The following ADGRL3 variants were observed in gnomAD, a reference collection of about 807,000 sequenced individuals.
The protein encoded by ADGRL3 is adhesion G protein-coupled receptor L3, also known as calcium-independent alpha-latrotoxin receptor 3.
ADGRL3 carries 62 observed loss-of-function variants against 153.5 expected under a neutral mutation model. The observed-to-expected ratio is 0.40, with a 90% CI of 0.33 to 0.50. The LOEUF (loss-of-function observed/expected upper bound fraction) is 0.50, where lower values mean the gene tolerates loss of function less well. Among genes scored for constraint, ADGRL3 ranks in the 20% least tolerant of loss-of-function variants. The pLI, the probability that ADGRL3 is intolerant of heterozygous loss-of-function variation, is 0.47. For missense variants in ADGRL3, 1,641 were observed against 1,859.4 expected, an observed-to-expected ratio of 0.88 and a Z score of 2.16; for synonymous variants, 710 against 672.5, an observed-to-expected ratio of 1.06 and a Z score of -0.86.
chr4:62,040,774 C>T (rs73207507), intron 24 of ADGRL3, among the ~76,000 whole-genome samples: 76 of 151,964 alleles, frequency 5.0e-4, no homozygotes, highest in African/African-American at 1.6e-3. Context: ...GGAGAGCTGA[C>T]GGAGAACAAA....
At chr4:62,054,228 GA>G (rs986637877) in intron 25 of ADGRL3, among the ~76,000 whole-genome samples, 39 of 151,744 alleles carry the variant, frequency 2.6e-4, no homozygotes, top group African/African-American at 7.9e-4. Flanking sequence ...CTATGCAAAA[GA>G]ATTCAAAATG....
intron 9 of ADGRL3, among the ~76,000 whole-genome samples, chr4:61,817,375 C>T (rs1171994561): frequency 2.0e-5 from 3 of 152,174 alleles, no homozygotes; most frequent in Non-Finnish European, 4.4e-5. Flanking sequence ...CCCATGGCTG[C>T]CCATGGACCA....
At chr4:61,673,436 A>G (rs567903578) in intron 5 of ADGRL3, among the ~76,000 whole-genome samples, 3 of 151,950 alleles carry the variant, frequency 2.0e-5, no homozygotes, top group African/African-American at 7.2e-5. Flanking sequence ...TTTTTAATTT[A>G]TGTTTACTTT....
At chr4:61,996,452 TG>T in intron 20 of ADGRL3, 95 bp downstream of exon 20, 1 of 853,124 alleles carries the variant, frequency 1.2e-6, no homozygotes, top group Non-Finnish European at 1.9e-6. Flanking sequence ...GAGGTTAATT[TG>T]GGGAAAGCAT....
chr4:61,395,400 T>C (rs1560568976), intron 2 of ADGRL3, among the ~76,000 whole-genome samples: 1 of 152,018 alleles, frequency 6.6e-6, no homozygotes, highest in Non-Finnish European at 1.5e-5. Flanking sequence ...CTAATGCTAA[T>C]TGATAAACAA....
chr4:61,771,182 A>G (rs2097081688), intron 8 of ADGRL3, among the ~76,000 whole-genome samples: 1 of 152,178 alleles, frequency 6.6e-6, no homozygotes, highest in South Asian at 2.1e-4. Context: ...CTTACTGCAC[A>G]TGTGTTAAGG....
chr4:61,840,736 G>A (rs1013033345), intron 9 of ADGRL3, among the ~76,000 whole-genome samples: 1 of 152,110 alleles, frequency 6.6e-6, no homozygotes, highest in Non-Finnish European at 1.5e-5. Context: ...GCAGGAATAG[G>A]TAGCCTATGT....
intron 3 of ADGRL3, among the ~76,000 whole-genome samples, chr4:61,509,981 C>G (rs2098454559): frequency 6.6e-6 from 1 of 152,078 alleles, no homozygotes; most frequent in Admixed American, 6.5e-5. Flanking sequence ...GAGATGGTAT[C>G]TCATTGAGGT....
chr4:61,814,942 T>C (rs1200278175), intron 9 of ADGRL3, among the ~76,000 whole-genome samples: 2 of 152,092 alleles, frequency 1.3e-5, no homozygotes, highest in African/African-American at 4.8e-5. Context: ...ATCTGTATGC[T>C]CTGTGAGGGC....
chr4:61,933,914 T>C (rs2098827957), intron 13 of ADGRL3: 1 of 152,214 alleles, frequency 6.6e-6, no homozygotes, highest in African/African-American at 2.4e-5. Context: ...TAGATGCATA[T>C]TTCATAATGA....
chr4:61,833,675 G>A (rs2097899686), intron 9 of ADGRL3, among the ~76,000 whole-genome samples: 1 of 152,164 alleles, frequency 6.6e-6, no homozygotes. Context: ...GGGAGGGTCA[G>A]AATCTTGTAG....
intron 8 of ADGRL3, among the ~76,000 whole-genome samples, chr4:61,780,809 G>T (rs552616973): frequency 2.0e-5 from 3 of 152,160 alleles, no homozygotes; most frequent in Non-Finnish European, 4.4e-5. Flanking sequence ...TGAAAGTAGG[G>T]AACCAGAGAT....
intron 1 of ADGRL3, among the ~76,000 whole-genome samples, chr4:61,361,898 A>C (rs780278954): frequency 2.0e-5 from 3 of 151,490 alleles, no homozygotes; most frequent in Non-Finnish European, 4.4e-5. Flanking sequence ...AAAAATATTT[A>C]GAAACAAAGA....
intron 1 of ADGRL3, among the ~76,000 whole-genome samples, chr4:61,254,735 T>G (rs2091794372): frequency 6.6e-6 from 1 of 152,174 alleles, no homozygotes; most frequent in Admixed American, 6.5e-5. Context: ...CAAATTTTTA[T>G]CTCCTAAATT....
chr4:61,445,701 T>C (rs569845508), intron 2 of ADGRL3, among the ~76,000 whole-genome samples: 2 of 152,218 alleles, frequency 1.3e-5, no homozygotes, highest in Non-Finnish European at 2.9e-5. Context: ...AGAGAGACTT[T>C]CATTGAGCTC....
At chr4:61,708,548 T>A (rs1311302002) in intron 6 of ADGRL3, among the ~76,000 whole-genome samples, 1 of 152,096 alleles carries the variant, frequency 6.6e-6, no homozygotes, top group Non-Finnish European at 1.5e-5. Context: ...ATTTATTTTT[T>A]TTCCAACTTT....
At chr4:61,211,214 T>C (rs1048116589) in intron 1 of ADGRL3, among the ~76,000 whole-genome samples, 1 of 152,216 alleles carries the variant, frequency 6.6e-6, no homozygotes, top group Non-Finnish European at 1.5e-5. Context: ...TGGGAAGTTA[T>C]TGTGTTTCTC....
At chr4:61,901,640 C>T (rs144260775) in intron 11 of ADGRL3, among the ~76,000 whole-genome samples, 310 of 152,256 alleles carry the variant, frequency 2.0e-3, no homozygotes, top group African/African-American at 7.3e-3. Flanking sequence ...TAGCTATGTA[C>T]TTCAATGCTA....
In ADGRL3 at chr4:61,755,910, G is replaced by A. The variant is rs1385838813; in HGVS notation, c.1399+22356G>A. ...CCCATTTCTTGTTTTTGTCAGGTTT[G>A]TCAGAGATCAGATGGTTGTAGATAT... is the stretch of plus-strand genomic sequence containing the variant. On this transcript the variant is annotated intron_variant, in intron 8 of 26. Transcript: ENST00000683033. 2.0e-5 allele frequency among the ~76,000 whole-genome samples: 3 copies of A among 152,132 alleles called. No individual in the cohort carries two copies. In the South Asian group the frequency reaches 6.2e-4, roughly 32 times the overall value.
Sources: allele counts gnomAD v4.1 joint callset (sites outside exome capture counted in the v4.1 genomes callset), GRCh38; gene constraint gnomAD v4.1.1; transcripts MANE v1.5; gene names NCBI Gene and HGNC (gene_info 2026-07-23, HGNC 2026-07-21).